Variants in WASF2 observed in about 807,000 individuals in gnomAD.
WASF2 encodes WASP family member 2.
Under a neutral mutation model 45.0 loss-of-function variants are expected in WASF2, and 14 were observed. That is an observed-to-expected ratio of 0.31 (90% CI 0.21 to 0.49). The LOEUF (loss-of-function observed/expected upper bound fraction) is 0.49, where lower values mean the gene tolerates loss of function less well. Among genes scored for constraint, WASF2 ranks in the 20% least tolerant of loss-of-function variants. The pLI is 0.99. For missense variants in WASF2, 439 were observed against 636.1 expected (o/e 0.69, Z 3.33); for synonymous variants, 200 against 236.3 (o/e 0.85, Z 1.41).
Position 27,471,111 on chromosome 1 carries a change from G to A in WASF2, c.-44+18875C>T, listed in dbSNP as rs974724142. Among the ~76,000 whole-genome samples the A allele has an allele frequency of 8.5e-5, 13 of 152,092 alleles. No homozygotes were observed. In the South Asian group the frequency reaches 1.0e-3, roughly 12 times the overall value. ...TGTAATCCCAGCACTTTGGGAGGCCGAGGCGGGCGGATCACGAGGTCAGGA... is the reference window on the plus strand; with the variant it reads ...TGTAATCCCAGCACTTTGGGAGGCCAAGGCGGGCGGATCACGAGGTCAGGA... On this transcript the variant is annotated intron_variant, in intron 1 of 8. Coordinates refer to ENST00000618852, the MANE Select transcript of WASF2 (RefSeq NM_006990.5).
rs1197764251 is a variant in WASF2 at position 27,414,835 on chromosome 1, A to G, written c.666T>C (p.Ser222=). ...AACAGTACAAAGGCATTACCTACCC[A>G]GAAGTCCCCAGCTTTTCTTTGGACT... is the stretch of plus-strand genomic sequence containing the variant. The part of the protein sequence containing the change: ...FVESKEKLGT[S]GYPPTLVYQN... The change falls in exon 6 of 9, where the codon TCT becomes TCC. Residue 222 remains serine, a splice_region_variant and synonymous_variant. Coordinates refer to ENST00000618852, the MANE Select transcript of WASF2 (RefSeq NM_006990.5). This position sits in a 1 kb window ranked among gnomAD's most constrained non-coding sequence, Gnocchi z 4.1. The G allele has an allele frequency of 1.2e-6, 2 of 1,614,036 alleles. No individual in the cohort carries two copies. Among genetic ancestry groups the G allele is most frequent in the East Asian group, 4.5e-5 (2 of 44,896 alleles).
At chr1:27,419,153 G>T (rs772904958) in intron 2 of WASF2, 65 bp from the exon 3 acceptor site, 2 of 1,585,438 alleles carry the variant, frequency 1.3e-6, no homozygotes, top group Admixed American at 3.4e-5. Flanking sequence ...ACAAAAACTG[G>T]CTACTAAAGA....
intron 1 of WASF2, among the ~76,000 whole-genome samples, chr1:27,486,085 A>T (rs2017919574): frequency 6.6e-6 from 1 of 152,208 alleles, no homozygotes; most frequent in African/African-American, 2.4e-5. Flanking sequence ...GTGAAAAATA[A>T]ATTTTTCATT....
chr1:27,430,804 A>G (rs1421347083), intron 1 of WASF2, among the ~76,000 whole-genome samples: 1 of 150,804 alleles, frequency 6.6e-6, no homozygotes, highest in African/African-American at 2.5e-5. Flanking sequence ...ACTCCTCTTT[A>G]TATATTTAAA....
chr1:27,461,200 T>C (rs1024487740), intron 1 of WASF2, among the ~76,000 whole-genome samples: 4 of 152,130 alleles, frequency 2.6e-5, no homozygotes, highest in African/African-American at 9.7e-5. Context: ...TTTGAAATAA[T>C]TGCAAACTTG....
chr1:27,443,947 A>G (rs556207718), intron 1 of WASF2, among the ~76,000 whole-genome samples: 8 of 151,824 alleles, frequency 5.3e-5, no homozygotes, highest in Non-Finnish European at 4.4e-5. Context: ...CACCTGGCTA[A>G]TTTTTGTATT....
chr1:27,424,801 G>A (rs2016953997), intron 2 of WASF2, among the ~76,000 whole-genome samples: 1 of 152,130 alleles, frequency 6.6e-6, no homozygotes, highest in Non-Finnish European at 1.5e-5. Flanking sequence ...GATTACAATT[G>A]TGCCCAGCCA....
At chr1:27,421,136 T>G (rs2474291) in intron 2 of WASF2, among the ~76,000 whole-genome samples, 115,797 of 152,066 alleles carry the variant, frequency 0.76, 47,045 homozygotes, top group Non-Finnish European at 0.9. Context: ...TCCTTGCATA[T>G]TGATCGTTTG....
rs538428506 is a variant in WASF2, at chr1:27,430,048, A to G, written c.-43-1115T>C. 7.2e-5 allele frequency among the ~76,000 whole-genome samples: 11 copies of G among 152,284 alleles called. No homozygotes were observed. The South Asian group carries it at 2.3e-3, about 32-fold the overall frequency. ...GAGCAGATCCGGAAACCTTCCAGTTACTGTTTCTTATCCGGTGGGCTGAGC... is the reference window on the plus strand; with the variant it reads ...GAGCAGATCCGGAAACCTTCCAGTTGCTGTTTCTTATCCGGTGGGCTGAGC... On this transcript the variant is annotated intron_variant, in intron 1 of 8. Coordinates refer to ENST00000618852, the MANE Select transcript of WASF2 (RefSeq NM_006990.5).
intron 1 of WASF2, among the ~76,000 whole-genome samples, chr1:27,443,300 C>T (rs1031324996): frequency 7.5e-6 from 1 of 133,168 alleles, no homozygotes; most frequent in East Asian, 2.2e-4. Context: ...AGCAAGACAC[C>T]GTCTCTTAAA....
rs35347075 is a variant in WASF2 at position 27,441,753 on chromosome 1, CAAAA to C, written c.-43-12824_-43-12821del. On this transcript the variant is annotated intron_variant, in intron 1 of 8. Transcript: ENST00000618852. ...TGGGTGACAGAGCGAGACTCCGTCT[CAAAA>C]AAAAAAAAAAAAAAAAAAATTAGCC... Among the ~76,000 whole-genome samples, 6 of 51,672 alleles carry C rather than the reference CAAAA, an allele frequency of 1.2e-4. No homozygotes were observed. In the South Asian group the frequency reaches 2.4e-3, roughly 21 times the overall value. The allele number at this position is 51,672 out of a possible 152,430, so 33.9% of individuals were successfully genotyped here. A position where few individuals can be genotyped will look rare whatever the true frequency, so the allele number is the denominator to read the frequency against.
rs1318044763 is a variant in WASF2, at chr1:27,405,691, C to T, written c.*2498G>A. Reference sequence around the variant, plus strand: ...TCGGCTCACTGGGTCCCCGGCCCCCCGAGCTGAGGAGGCTTCGCAAGGCCG... The same window carrying T: ...TCGGCTCACTGGGTCCCCGGCCCCCTGAGCTGAGGAGGCTTCGCAAGGCCG... On this transcript the variant is annotated 3_prime_UTR_variant, in exon 9 of 9. Coordinates refer to ENST00000618852, the MANE Select transcript of WASF2 (RefSeq NM_006990.5). 1 of 145,278 alleles carries T rather than the reference C, an allele frequency of 6.9e-6. No individual in the cohort carries two copies. Among genetic ancestry groups the T allele is most frequent in the Non-Finnish European group, 1.5e-5 (1 of 67,220 alleles). 9.0% of individuals were successfully genotyped at this position (145,278 alleles called of 1,614,324 possible).
chr1:27,428,876 C>G lies in WASF2; in HGVS notation c.15G>C (p.Thr5=), dbSNP rs764392418. 1 of 1,613,986 alleles carries G rather than the reference C, an allele frequency of 6.2e-7. No homozygotes were observed. Among genetic ancestry groups the G allele is most frequent in the African/African-American group, 1.3e-5 (1 of 74,986 alleles). Residue 5 remains threonine (T), a synonymous_variant, in exon 2 of 9, where the codon ACG becomes ACC. Coordinates refer to ENST00000618852, the MANE Select transcript of WASF2 (RefSeq NM_006990.5). The stretch of plus-strand genomic sequence containing the variant: ...ACAGGTGCCTTGGCTCGATGTTCCT[C>G]GTTACTAACGGCATGGTGGACCTGC... MPLV[T]RNIEPRHLCR...
rs768513866 is a variant in WASF2, at chr1:27,437,311, A to T, written c.-43-8378T>A. Among the ~76,000 whole-genome samples the T allele has an allele frequency of 5.6e-4, 85 of 152,296 alleles. 1 individual carries two copies. The highest frequency in any genetic ancestry group is 1.2e-3 in the Admixed American group (18 of 15,286). ...TCCATCTGGTTGTCCAAAAGAAAATACATTTAAACTGTGAGTTGGAAACCT... is the reference window on the plus strand; with the variant it reads ...TCCATCTGGTTGTCCAAAAGAAAATTCATTTAAACTGTGAGTTGGAAACCT... On this transcript the variant is annotated intron_variant, in intron 1 of 8. Coordinates refer to ENST00000618852, the MANE Select transcript of WASF2 (RefSeq NM_006990.5).
intron 1 of WASF2, among the ~76,000 whole-genome samples, chr1:27,483,221 GC>G (rs557414463): frequency 1.8e-4 from 28 of 152,244 alleles, no homozygotes; most frequent in Non-Finnish European, 3.1e-4. Context: ...CATAATCCCA[GC>G]AATTTGGGAG....
At chr1:27,430,782 C>G (rs12032735) in intron 1 of WASF2, among the ~76,000 whole-genome samples, 6,360 of 151,394 alleles carry the variant, frequency 0.042, 830 homozygotes, top group Admixed American at 0.25. Context: ...GGCCAAGTCC[C>G]CAATATTATA....
intron 1 of WASF2, among the ~76,000 whole-genome samples, chr1:27,448,093 C>T (rs2017333790): frequency 1.3e-5 from 2 of 152,236 alleles, no homozygotes; most frequent in African/African-American, 4.8e-5. Context: ...TGGGCTCTCC[C>T]TCTGACCTCT....
At chr1:27,472,374 CT>C (rs2017701415) in intron 1 of WASF2, among the ~76,000 whole-genome samples, 1 of 151,374 alleles carries the variant, frequency 6.6e-6, no homozygotes, top group African/African-American at 2.4e-5. Context: ...TGATGCAAGC[CT>C]GTGATCCTAG....
intron 1 of WASF2, among the ~76,000 whole-genome samples, chr1:27,460,224 T>C (rs2017526346): frequency 6.7e-6 from 1 of 148,774 alleles, no homozygotes; most frequent in Non-Finnish European, 1.5e-5. Flanking sequence ...TAAATGCCAA[T>C]TTTTTTTTTA....
Sources: gnomAD v4.1 joint callset for allele counts (sites outside exome capture counted in the v4.1 genomes callset) on GRCh38, gnomAD v4.1.1 for gene constraint, Gnocchi (gnomAD v3.1) non-coding constraint, MANE v1.5 for transcripts, NCBI Gene and HGNC (gene_info 2026-07-23, HGNC 2026-07-21) for gene names.